The following SLC49A4 variants were observed in gnomAD, a reference collection of about 807,000 sequenced individuals.
SLC49A4 encodes the protein solute carrier family 49 member 4, also known as disrupted in renal cancer protein 2.
SLC49A4 carries 36 observed loss-of-function variants against 50.6 expected under a neutral mutation model. That is an observed-to-expected ratio of 0.71 (90% CI 0.55 to 0.94). SLC49A4 has a LOEUF of 0.94. Ranked by LOEUF, SLC49A4 falls within the 40% of genes least tolerant of loss-of-function variation. The pLI is 0.00. For synonymous variants in SLC49A4, 248 were observed against 241.2 expected, an observed-to-expected ratio of 1.03 and a Z score of -0.26; for missense variants, 503 against 605.7, an observed-to-expected ratio of 0.83 and a Z score of 1.78.
At chr3:122,811,495 T>C (rs932757115) in intron 2 of SLC49A4, among the ~76,000 whole-genome samples, 11 of 152,336 alleles carry the variant, frequency 7.2e-5, no homozygotes, top group Middle Eastern at 6.8e-3. Flanking sequence ...CATCATCCTA[T>C]TTGGAGGGCA....
chr3:122,841,605 T>G (rs1936771132), intron 4 of SLC49A4, among the ~76,000 whole-genome samples: 1 of 152,216 alleles, frequency 6.6e-6, no homozygotes, highest in African/African-American at 2.4e-5. Flanking sequence ...TTAAATTAGT[T>G]AAAATGAAAT....
intron 4 of SLC49A4, among the ~76,000 whole-genome samples, chr3:122,834,139 T>C (rs527657092): frequency 2.5e-4 from 38 of 152,192 alleles, no homozygotes; most frequent in African/African-American, 8.9e-4. Context: ...GTAGTTGTTA[T>C]GAGTTTTTAT....
chr3:122,844,424 G>C (rs1474237893), intron 4 of SLC49A4, among the ~76,000 whole-genome samples: 1 of 151,900 alleles, frequency 6.6e-6, no homozygotes, highest in Non-Finnish European at 1.5e-5. Context: ...TTGGTTATCT[G>C]TATAATAAAC....
At chr3:122,853,026 C>G (rs1262641916) in intron 5 of SLC49A4, among the ~76,000 whole-genome samples, 2 of 152,166 alleles carry the variant, frequency 1.3e-5, no homozygotes, top group African/African-American at 2.4e-5. Flanking sequence ...TTAGTCTGTT[C>G]AGACTTCCAC....
intron 1 of SLC49A4, 38 bp downstream of exon 1, chr3:122,795,573 C>A: frequency 1.3e-6 from 2 of 1,557,530 alleles, no homozygotes; most frequent in Non-Finnish European, 1.7e-6. Flanking sequence ...GCTGTCTCTC[C>A]TCCGGGAGCA....
intron 5 of SLC49A4, among the ~76,000 whole-genome samples, chr3:122,853,692 G>A (rs376475792): frequency 3.7e-4 from 56 of 152,116 alleles, no homozygotes; most frequent in Admixed American, 4.6e-4. Flanking sequence ...CCCAGGAGGC[G>A]GAGGCTGCAG....
chr3:122,866,285 G>A (rs565467502), intron 7 of SLC49A4, among the ~76,000 whole-genome samples: 5 of 146,778 alleles, frequency 3.4e-5, no homozygotes, highest in Middle Eastern at 3.5e-3. Context: ...TAAGCGATTC[G>A]CCCACCTTGG....
chr3:122,859,722 A>G (rs571952306), intron 6 of SLC49A4, among the ~76,000 whole-genome samples: 8 of 152,188 alleles, frequency 5.3e-5, no homozygotes, highest in Non-Finnish European at 8.8e-5. Context: ...CAGCAGGTTG[A>G]GGTGGAAGGA....
intron 1 of SLC49A4, among the ~76,000 whole-genome samples, chr3:122,796,791 G>C (rs1380776908): frequency 6.6e-6 from 1 of 152,214 alleles, no homozygotes; most frequent in African/African-American, 2.4e-5. Flanking sequence ...GCTGGGGTGG[G>C]AGGATTGCTT....
chr3:122,837,851 A>C (rs1936712042), intron 4 of SLC49A4, among the ~76,000 whole-genome samples: 1 of 152,094 alleles, frequency 6.6e-6, no homozygotes, highest in Non-Finnish European at 1.5e-5. Context: ...CAATGAACTC[A>C]AACAAATTTA....
At chr3:122,820,167 TAAC>T (rs892595667) in intron 2 of SLC49A4, among the ~76,000 whole-genome samples, 4 of 152,172 alleles carry the variant, frequency 2.6e-5, no homozygotes, top group African/African-American at 9.6e-5. Flanking sequence ...TGGATTTTCT[TAAC>T]AATCAGTAAT....
intron 5 of SLC49A4, among the ~76,000 whole-genome samples, chr3:122,854,075 A>G (rs1936956235): frequency 6.6e-6 from 1 of 152,136 alleles, no homozygotes; most frequent in Non-Finnish European, 1.5e-5. Context: ...GCATGACCCC[A>G]CTCACCTAGA....
chr3:122,860,097 A>G lies in SLC49A4; in HGVS notation c.1033A>G (p.Met345Val), dbSNP rs771133683. 9.9e-6 allele frequency: 16 copies of G among 1,611,664 alleles called. No individual in the cohort carries two copies. The highest frequency in any genetic ancestry group is 1.1e-5 in the Non-Finnish European group (13 of 1,179,008). Residue 345 changes from methionine to valine, a missense_variant, in exon 7 of 9, where the codon ATG (methionine) becomes GTG (valine). Transcript: ENST00000261038. ...MARFADFIRGMLKLILLLLFS... is the reference protein window; with the variant it reads ...MARFADFIRGVLKLILLLLFS... ...TAGGTTTGCAGATTTTATCAGGGGT[A>G]TGCTGAAACTAATTCTTCTCCTCCT...
At chr3:122,839,404 A>G (rs1489722566) in intron 4 of SLC49A4, among the ~76,000 whole-genome samples, 1 of 152,132 alleles carries the variant, frequency 6.6e-6, no homozygotes, top group East Asian at 1.9e-4. Context: ...CTAATTAAAC[A>G]AAAAGTTTCT....
At chr3:122,830,446 C>CATAAGGATAGGCAT (rs1185148047) in intron 3 of SLC49A4, among the ~76,000 whole-genome samples, 1 of 152,114 alleles carries the variant, frequency 6.6e-6, no homozygotes, top group Non-Finnish European at 1.5e-5. Flanking sequence ...ATAGTACTGG[C>CATAAGGATAGGCAT]ATAAGGATAG....
intron 4 of SLC49A4, among the ~76,000 whole-genome samples, 165 bp from the exon 5 acceptor site, chr3:122,845,598 T>G (rs1238493410): frequency 6.7e-6 from 1 of 150,110 alleles, no homozygotes; most frequent in African/African-American, 2.5e-5. Flanking sequence ...TCTGCTACCT[T>G]TCCAGCACGT....
intron 5 of SLC49A4, among the ~76,000 whole-genome samples, chr3:122,850,534 A>T (rs1295327946): frequency 1.3e-5 from 2 of 150,636 alleles, no homozygotes; most frequent in African/African-American, 4.9e-5. Context: ...TTGAGACAGC[A>T]TCTTGATCTG....
At chr3:122,831,896 C>A (rs908273926) in intron 3 of SLC49A4, among the ~76,000 whole-genome samples, 3 of 151,204 alleles carry the variant, frequency 2.0e-5, no homozygotes, top group African/African-American at 7.3e-5. Context: ...TAAAATAACT[C>A]TAAATTAGAA....
chr3:122,803,373 G>A (rs1400307308), intron 1 of SLC49A4, among the ~76,000 whole-genome samples: 1 of 152,170 alleles, frequency 6.6e-6, no homozygotes, highest in African/African-American at 2.4e-5. Context: ...AAGGCACAGA[G>A]GAAGGTTTCT....
Sources: allele counts gnomAD v4.1 joint callset (sites outside exome capture counted in the v4.1 genomes callset), GRCh38; gene constraint gnomAD v4.1.1; transcripts MANE v1.5; gene names NCBI Gene and HGNC (gene_info 2026-07-23, HGNC 2026-07-21).